The following PVT1 variants were observed in gnomAD, a reference collection of about 807,000 sequenced individuals.
PVT1 encodes the protein Pvt1 oncogene, also known as CXCR4/PVT1 fusion.
chr8:127,987,238 G>A (rs28506052), intron 3 of PVT1, among the ~76,000 whole-genome samples: 3,704 of 152,216 alleles, frequency 0.024, 120 homozygotes, highest in African/African-American at 0.072. Context: ...CCTCTTCTGC[G>A]CACTGTCTCA....
intron 3 of PVT1, among the ~76,000 whole-genome samples, chr8:127,904,690 G>A (rs1355370998): frequency 6.6e-6 from 1 of 152,190 alleles, no homozygotes; most frequent in African/African-American, 2.4e-5. Flanking sequence ...CAACTGTGAG[G>A]CAGGCATTAT....
intron 4 of PVT1, among the ~76,000 whole-genome samples, chr8:128,011,721 AC>A (rs1197152434): frequency 6.6e-6 from 1 of 152,212 alleles, no homozygotes; most frequent in Non-Finnish European, 1.5e-5. Context: ...TAGAGACTGG[AC>A]CTTGATGGTG....
chr8:128,050,714 A>G (rs1813684434), intron 4 of PVT1, among the ~76,000 whole-genome samples: 1 of 152,134 alleles, frequency 6.6e-6, no homozygotes, highest in Non-Finnish European at 1.5e-5. Flanking sequence ...CTGGGCTGAT[A>G]GTTCCTACCT....
intron 4 of PVT1, among the ~76,000 whole-genome samples, chr8:128,016,263 C>G (rs1384218168): frequency 6.6e-6 from 1 of 150,398 alleles, no homozygotes; most frequent in Non-Finnish European, 1.5e-5. Context: ...GGCAACAGAC[C>G]AAGACCCTGT....
At chr8:127,936,331 C>T (rs934020293) in intron 3 of PVT1, among the ~76,000 whole-genome samples, 1 of 152,156 alleles carries the variant, frequency 6.6e-6, no homozygotes, top group East Asian at 2.0e-4. Flanking sequence ...GGATTATAGG[C>T]GTGAGCCACC....
chr8:128,071,530 A>T (rs2720669), intron 5 of PVT1, among the ~76,000 whole-genome samples: 16,922 of 150,402 alleles, frequency 0.11, 1,032 homozygotes, highest in East Asian at 0.22. Context: ...AAAATTTTTA[A>T]AAAAAAAAAG....
At chr8:127,952,851 A>G (rs751800807) in intron 3 of PVT1, among the ~76,000 whole-genome samples, 4 of 150,140 alleles carry the variant, frequency 2.7e-5, no homozygotes, top group African/African-American at 7.4e-5. Flanking sequence ...TGCAACCTCC[A>G]CCTCCCAGGT....
At chr8:128,040,900 TTG>T (rs1416336030) in intron 4 of PVT1, among the ~76,000 whole-genome samples, 2 of 100,540 alleles carry the variant, frequency 2.0e-5, no homozygotes, top group Non-Finnish European at 4.5e-5. Flanking sequence ...GTGTATATGT[TTG>T]TGCATGTGTG....
chr8:127,921,638 C>G (rs1219742023), intron 3 of PVT1, among the ~76,000 whole-genome samples: 3 of 151,770 alleles, frequency 2.0e-5, no homozygotes, highest in Admixed American at 1.3e-4. Flanking sequence ...ATATCGAAAC[C>G]CCATCTCTAT....
intron 3 of PVT1, among the ~76,000 whole-genome samples, chr8:127,892,692 G>A (rs1462659510): frequency 6.6e-6 from 1 of 152,164 alleles, no homozygotes; most frequent in Non-Finnish European, 1.5e-5. Flanking sequence ...TGGGAAGGGT[G>A]TGTGTGACGG....
At chr8:127,942,258 CA>C (rs1816361994) in intron 3 of PVT1, among the ~76,000 whole-genome samples, 1 of 152,138 alleles carries the variant, frequency 6.6e-6, no homozygotes, top group Non-Finnish European at 1.5e-5. Flanking sequence ...GGTCGTTGAG[CA>C]ATGTGGAAGG....
At chr8:128,057,753 G>A (rs1399176946) in intron 4 of PVT1, among the ~76,000 whole-genome samples, 2 of 152,134 alleles carry the variant, frequency 1.3e-5, no homozygotes, top group Admixed American at 6.5e-5. Context: ...TTCGGATCTC[G>A]GCATTAAATC....
intron 2 of PVT1, among the ~76,000 whole-genome samples, chr8:127,840,345 A>G (rs1285387432): frequency 6.6e-6 from 1 of 152,216 alleles, no homozygotes; most frequent in Non-Finnish European, 1.5e-5. Context: ...ACGTCTGCCC[A>G]GTCCAGACTA....
chr8:127,963,426 A>AT (rs1390813627), intron 3 of PVT1, among the ~76,000 whole-genome samples: 1 of 152,116 alleles, frequency 6.6e-6, no homozygotes, highest in Non-Finnish European at 1.5e-5. Context: ...TAGCGTTGTT[A>AT]TTGGAAATCA....
intron 3 of PVT1, among the ~76,000 whole-genome samples, chr8:127,958,053 G>A (rs1000751423): frequency 3.0e-4 from 46 of 152,224 alleles, no homozygotes; most frequent in African/African-American, 1.1e-3. Flanking sequence ...ATGACAGGTG[G>A]TGAGGTGAAG....
chr8:127,843,976 T>C (rs979090252), intron 2 of PVT1, among the ~76,000 whole-genome samples: 1 of 151,794 alleles, frequency 6.6e-6, no homozygotes, highest in Non-Finnish European at 1.5e-5. Context: ...TTGATGCATG[T>C]CTACATTATT....
chr8:128,040,367 C>T (rs554199803), intron 4 of PVT1, among the ~76,000 whole-genome samples: 3 of 152,304 alleles, frequency 2.0e-5, no homozygotes, highest in Admixed American at 2.0e-4. Flanking sequence ...ATCAGCTCTT[C>T]CTAGGGGCTC....
intron 3 of PVT1, among the ~76,000 whole-genome samples, chr8:127,945,363 G>A (rs1332161559): frequency 6.6e-6 from 1 of 152,134 alleles, no homozygotes; most frequent in Non-Finnish European, 1.5e-5. Context: ...CGATCACATT[G>A]CCCTCCAGAA....
chr8:127,903,545 A>G (rs1156333742), intron 3 of PVT1, among the ~76,000 whole-genome samples: 1 of 152,146 alleles, frequency 6.6e-6, no homozygotes, highest in Non-Finnish European at 1.5e-5. Flanking sequence ...GTTTTCTTCT[A>G]GGATTTTTAT....
Sources: gnomAD v4.1 joint callset for allele counts (sites outside exome capture counted in the v4.1 genomes callset) on GRCh38, gnomAD v4.1.1 for gene constraint, MANE v1.5 for transcripts, NCBI Gene and HGNC (gene_info 2026-07-23, HGNC 2026-07-21) for gene names.